Variants in ARHGAP28 observed in about 807,000 individuals in gnomAD.
ARHGAP28 encodes the protein rho GTPase-activating protein 28.
In ARHGAP28, 56 loss-of-function variants were observed where a neutral mutation model predicts 90.7. The observed-to-expected ratio is 0.62, with a 90% confidence interval of 0.50 to 0.77. The LOEUF (loss-of-function observed/expected upper bound fraction) is 0.77. ARHGAP28 is among the 30% of genes least tolerant of loss of function. The pLI is 0.00. For missense variants in ARHGAP28, 869 were observed against 900.9 expected (o/e 0.96, Z 0.45); for synonymous variants, 308 against 323.3 (o/e 0.95, Z 0.51).
chr18:6,783,035 C>G (rs1414108758), intron 1 of ARHGAP28, among the ~76,000 whole-genome samples: 1 of 152,164 alleles, frequency 6.6e-6, no homozygotes, highest in African/African-American at 2.4e-5. Context: ...CCACAGCCAG[C>G]TCCAACCTGC....
Position 6,873,525 on chromosome 18 carries a change from C to A in ARHGAP28, c.1071C>A (p.Ala357=). 1 of 1,613,972 alleles carries A rather than the reference C, an allele frequency of 6.2e-7. No individual in the cohort carries two copies. The change falls in exon 8 of 18, where the codon GCC becomes GCA. Residue 357 remains alanine, a synonymous_variant. Transcript: ENST00000383472. The part of the protein sequence containing the change: ...SLIELTAFFD[A]FGIQLKRNKT... ...TTGAATTGACTGCCTTTTTTGATGC[C>A]TTTGGAATTCAACTGAAAAGGAACA... is the stretch of plus-strand genomic sequence containing the variant.
chr18:6,762,066 CCTT>C (rs1181061149), intron 1 of ARHGAP28, among the ~76,000 whole-genome samples: 1 of 152,170 alleles, frequency 6.6e-6, no homozygotes, highest in African/African-American at 2.4e-5. Flanking sequence ...GGATCATTCT[CCTT>C]TTCTCCTTCC....
intron 1 of ARHGAP28, among the ~76,000 whole-genome samples, chr18:6,766,986 T>C (rs1221109622): frequency 2.0e-5 from 3 of 152,234 alleles, no homozygotes; most frequent in Non-Finnish European, 4.4e-5. Context: ...GGGTTTGGTC[T>C]ACTATCTTGC....
At chr18:6,871,842 T>C (rs1236511798) in intron 7 of ARHGAP28, among the ~76,000 whole-genome samples, 1 of 151,936 alleles carries the variant, frequency 6.6e-6, no homozygotes. Context: ...ACTCACGGAG[T>C]GCCTTCTACG....
chr18:6,812,505 G>A (rs2056563890), intron 1 of ARHGAP28, among the ~76,000 whole-genome samples: 1 of 152,148 alleles, frequency 6.6e-6, no homozygotes, highest in Non-Finnish European at 1.5e-5. Context: ...GGACAGGAAG[G>A]CTTAGGAGGG....
chr18:6,787,455 G>A (rs1057366765), intron 1 of ARHGAP28, among the ~76,000 whole-genome samples: 2 of 152,094 alleles, frequency 1.3e-5, no homozygotes, highest in Non-Finnish European at 2.9e-5. Context: ...TTCCAGGGAT[G>A]TAGTCTGTTA....
intron 1 of ARHGAP28, among the ~76,000 whole-genome samples, chr18:6,823,165 C>G (rs989712763): frequency 2.0e-5 from 3 of 152,136 alleles, no homozygotes; most frequent in African/African-American, 4.8e-5. Context: ...GGAGAAGATT[C>G]TTTGAAAGGA....
intron 6 of ARHGAP28, 103 bp from the exon 7 acceptor site, chr18:6,870,487 C>A: frequency 8.3e-7 from 1 of 1,201,502 alleles, no homozygotes; most frequent in Non-Finnish European, 1.2e-6. Flanking sequence ...CTGTAACGTG[C>A]TTGTGGATTC....
At chr18:6,870,778 C>T (rs755794372) in intron 7 of ARHGAP28, 46 bp downstream of exon 7, 1 of 1,536,906 alleles carries the variant, frequency 6.5e-7, no homozygotes, top group Non-Finnish European at 8.8e-7. Flanking sequence ...CCTGTGACTT[C>T]ATAGGACAAA....
chr18:6,871,923 C>CT (rs748527894), intron 7 of ARHGAP28, among the ~76,000 whole-genome samples: 17 of 152,186 alleles, frequency 1.1e-4, no homozygotes, highest in Middle Eastern at 3.4e-3. Context: ...CATTTTACAG[C>CT]TGAGGAAACT....
At chr18:6,753,609 T>C (rs1188911599) in intron 1 of ARHGAP28, among the ~76,000 whole-genome samples, 1 of 152,254 alleles carries the variant, frequency 6.6e-6, no homozygotes, top group Non-Finnish European at 1.5e-5. Context: ...TTAAAGATTA[T>C]TCTTAATAAA....
At chr18:6,883,447 C>T (rs2143657144) in intron 11 of ARHGAP28, among the ~76,000 whole-genome samples, 1 of 152,130 alleles carries the variant, frequency 6.6e-6, no homozygotes, top group Non-Finnish European at 1.5e-5. Context: ...CCATGTTGGC[C>T]AGGCTGGTCT....
intron 1 of ARHGAP28, among the ~76,000 whole-genome samples, chr18:6,748,004 T>TGCAAAAATATTACTAATAACA (rs1436345042): frequency 5.9e-5 from 9 of 152,308 alleles, no homozygotes; most frequent in African/African-American, 2.2e-4. Flanking sequence ...ATTATGTGAA[T>TGCAAAAATATTACTAATAACA]GCAAAAATAT....
intron 1 of ARHGAP28, among the ~76,000 whole-genome samples, chr18:6,782,978 G>T (rs1188990560): frequency 6.6e-6 from 1 of 151,970 alleles, no homozygotes; most frequent in South Asian, 2.1e-4. Context: ...AGGGTTTTGG[G>T]CCATGTGCTC....
At chr18:6,891,089 G>T (rs1442903729) in intron 14 of ARHGAP28, among the ~76,000 whole-genome samples, 1 of 152,180 alleles carries the variant, frequency 6.6e-6, no homozygotes, top group African/African-American at 2.4e-5. Flanking sequence ...ATGATCACAA[G>T]TGCCAGACAT....
At chr18:6,891,964 A>T (rs1395988363) in intron 14 of ARHGAP28, among the ~76,000 whole-genome samples, 1 of 152,116 alleles carries the variant, frequency 6.6e-6, no homozygotes, top group Admixed American at 6.6e-5. Context: ...AAGGACAGTA[A>T]ATGCCAAGGC....
chr18:6,845,373 TA>T (rs2056858469), intron 3 of ARHGAP28, among the ~76,000 whole-genome samples: 1 of 152,220 alleles, frequency 6.6e-6, no homozygotes, highest in Admixed American at 6.5e-5. Flanking sequence ...AGTTATTTTA[TA>T]AAGGTAAATA....
intron 16 of ARHGAP28, among the ~76,000 whole-genome samples, chr18:6,903,659 C>T (rs190483238): frequency 2.0e-4 from 30 of 151,674 alleles, no homozygotes; most frequent in African/African-American, 7.0e-4. Context: ...GGTGAAATGC[C>T]GTCTCTACTA....
rs193020353 is a variant in ARHGAP28, at chr18:6,844,147, C to T, written c.543+6733C>T. Among the ~76,000 whole-genome samples, 548 of 152,144 alleles carry T rather than the reference C, an allele frequency of 3.6e-3. 1 individual carries two copies. The highest frequency in any genetic ancestry group is 5.4e-3 in the Non-Finnish European group (367 of 67,992). Reference sequence around the variant, plus strand: ...ACTAGCTAAAAGTGGAATTGATGTACAACTGACTATATAAATATATAGTAT... The same window carrying T: ...ACTAGCTAAAAGTGGAATTGATGTATAACTGACTATATAAATATATAGTAT... On this transcript the variant is annotated intron_variant, in intron 3 of 17. Coordinates refer to ENST00000383472, the MANE Select transcript of ARHGAP28 (RefSeq NM_001366230.1).
Sources: allele counts gnomAD v4.1 joint callset (sites outside exome capture counted in the v4.1 genomes callset), GRCh38; gene constraint gnomAD v4.1.1; transcripts MANE v1.5; gene names NCBI Gene and HGNC (gene_info 2026-07-23, HGNC 2026-07-21).